The following ZNF324 variants were observed in gnomAD, a reference collection of about 807,000 sequenced individuals.
The protein encoded by ZNF324 is zinc finger protein 324A.
A neutral mutation model predicts 10.3 loss-of-function variants in ZNF324; 3 were observed. That is an observed-to-expected ratio of 0.29 (90% confidence interval 0.13 to 0.75). The LOEUF is 0.75. Ranked by LOEUF, ZNF324 falls within the 30% of genes least tolerant of loss-of-function variation. ZNF324 has a pLI of 0.69. For missense variants in ZNF324, 763 were observed against 784.4 expected (o/e 0.97, Z 0.33); for synonymous variants, 430 against 339.5 (o/e 1.27, Z -2.93).
At chr19:58,470,296 G>T (rs2053016750) in intron 3 of ZNF324, among the ~76,000 whole-genome samples, 1 of 151,696 alleles carries the variant, frequency 6.6e-6, no homozygotes, top group African/African-American at 2.4e-5. Context: ...GGGAGAGGCA[G>T]TCGGTAAGCA....
Position 58,472,246 on chromosome 19 carries a change from G to A in ZNF324, c.*92G>A, listed in dbSNP as rs559493102. 6.5e-5 allele frequency: 86 copies of A among 1,319,914 alleles called. No homozygotes were observed. The South Asian group carries it at 6.6e-4, about 10-fold the overall frequency. 81.8% of individuals were successfully genotyped at this position (1,319,914 alleles called of 1,614,324 possible). ...AGATCCACAGCAGAGAAAAAGTCCC[G>A]TGCTTGCTAGTCAGGGACAAGGGAG... On this transcript the variant is annotated 3_prime_UTR_variant, in exon 4 of 4. Coordinates refer to ENST00000196482, the MANE Select transcript of ZNF324 (RefSeq NM_014347.3).
chr19:58,471,419 C>T lies in ZNF324; in HGVS notation c.927C>T (p.Gly309=), dbSNP rs530013490. ...HLTQHQRIHS[G]ETPYACPVCG... ...CGCAGCACCAGCGCATCCACAGCGG[C>T]GAGACGCCCTACGCGTGCCCCGTGT... The change falls in exon 4 of 4, where the codon GGC becomes GGT. Residue 309 remains glycine (G), a synonymous_variant. Coordinates refer to ENST00000196482, the MANE Select transcript of ZNF324 (RefSeq NM_014347.3). 8.1e-6 allele frequency: 13 copies of T among 1,608,652 alleles called. No homozygotes were observed. In the South Asian group the frequency reaches 1.2e-4, roughly 15 times the overall value.
At chr19:58,470,209 G>A (rs2053015909) in intron 3 of ZNF324, among the ~76,000 whole-genome samples, 1 of 152,154 alleles carries the variant, frequency 6.6e-6, no homozygotes, top group Non-Finnish European at 1.5e-5. Context: ...ACAGTGGTCA[G>A]GCCCAGTCCA....
intron 2 of ZNF324, among the ~76,000 whole-genome samples, 166 bp from the exon 3 acceptor site, chr19:58,469,562 G>A (rs902599492): frequency 1.3e-5 from 2 of 152,234 alleles, no homozygotes; most frequent in African/African-American, 2.4e-5. Context: ...CTGCCCTGGG[G>A]ATGAATGAGC....
chr19:58,468,272 C>T (rs2052999059), intron 1 of ZNF324: 4 of 984,252 alleles, frequency 4.1e-6, no homozygotes, highest in Non-Finnish European at 4.8e-6. Context: ...TGGGCAGGGA[C>T]TCAGCCAGGT....
In ZNF324 at chr19:58,471,198, G is replaced by C. The variant is rs1369412969; in HGVS notation, c.706G>C (p.Gly236Arg). 2.5e-6 allele frequency: 4 copies of C among 1,613,260 alleles called. No homozygotes were observed. Among genetic ancestry groups the C allele is most frequent in the East Asian group, 4.5e-5 (2 of 44,748 alleles). The change falls in exon 4 of 4, where the codon GGT (glycine) becomes CGT (arginine). Residue 236 changes from glycine to arginine, a missense_variant. Physicochemically the swap from Gly to Arg is moderately radical, Grantham distance 125 (BLOSUM62 -2). This residue lies in a region of ZNF324 where 379 missense variants were observed against 319.4 expected (regional missense o/e 1.19). Transcript: ENST00000196482. ...TTGGCAGGAGCCTCATAGACTCCTC[G>C]GTGGCCAGGAGCCCTCGACCTGGGA... is the stretch of plus-strand genomic sequence containing the variant. The part of the protein sequence containing the change: ...AVWQEPHRLL[G>R]GQEPSTWDEL...
At chr19:58,469,051 C>T (rs1265190347) in intron 1 of ZNF324, 129 bp from the exon 2 acceptor site, 1 of 1,086,898 alleles carries the variant, frequency 9.2e-7, no homozygotes, top group African/African-American at 1.6e-5. Flanking sequence ...AGCTCATCAG[C>T]TGTTATTAGT....
rs1173137497 is a variant in ZNF324 at position 58,470,772 on chromosome 19, T to C, written c.280T>C (p.Trp94Arg). The stretch of plus-strand genomic sequence containing the variant: ...AGAGGATAGAGATGTTTCTGGAGAA[T>C]GGCCACGAGCTTTCCCAGATACCCC... ...LTEDRDVSGE[W>R]PRAFPDTPPG... Residue 94 changes from tryptophan (W) to arginine (R), a missense_variant, in exon 4 of 4, where the codon TGG (tryptophan) becomes CGG (arginine). Around this residue, in one of 3 missense-constraint regions of ZNF324, gnomAD observed 379 missense variants for 319.4 expected, o/e 1.19. Coordinates refer to ENST00000196482, the MANE Select transcript of ZNF324 (RefSeq NM_014347.3). 4 of 1,614,220 alleles carry C rather than the reference T, an allele frequency of 2.5e-6. No individual in the cohort carries two copies. The Admixed American group carries it at 6.7e-5, about 27-fold the overall frequency.
rs921767841 is a variant in ZNF324 at position 58,472,556 on chromosome 19, C to G, written c.*402C>G. 4 of 184,864 alleles carry G rather than the reference C, an allele frequency of 2.2e-5. No homozygotes were observed. The highest frequency in any genetic ancestry group is 5.6e-5 in the Admixed American group (1 of 18,012). 11.5% of individuals were successfully genotyped at this position (184,864 alleles called of 1,614,324 possible). On this transcript the variant is annotated 3_prime_UTR_variant, in exon 4 of 4. Transcript: ENST00000196482. The stretch of plus-strand genomic sequence containing the variant: ...GAAACTTATGACAGCTGTACACAAA[C>G]TGGCCGCTGGAGAGATGCCCGCTGA...
intron 2 of ZNF324, among the ~76,000 whole-genome samples, 200 bp downstream of exon 2, chr19:58,469,506 C>T (rs113397217): frequency 2.0e-5 from 3 of 152,254 alleles, no homozygotes; most frequent in Non-Finnish European, 2.9e-5. Context: ...GTGGCCTCTC[C>T]GAGCCTTGGC....
chr19:58,469,774 C>T lies in ZNF324; in HGVS notation c.168C>T (p.Gly56=), dbSNP rs374584460. ...GTGTGGTCATCCAACTGGAGCGTGG[C>T]GAGGAGCCCTGGGTTCCCAGTGGAA... ...RPRVVIQLER[G]EEPWVPSGTD... is the part of the protein sequence containing the mutation. The change falls in exon 3 of 4, where the codon GGC becomes GGT. Residue 56 remains glycine, a synonymous_variant. Coordinates refer to ENST00000196482, the MANE Select transcript of ZNF324 (RefSeq NM_014347.3). 1.4e-5 allele frequency: 22 copies of T among 1,595,046 alleles called. No individual in the cohort carries two copies. The highest frequency in any genetic ancestry group is 7.0e-5 in the Admixed American group (4 of 56,916).
chr19:58,472,271 G>A lies in ZNF324; in HGVS notation c.*117G>A, dbSNP rs528253468. The A allele has an allele frequency of 8.7e-7, 1 of 1,147,090 alleles. No individual in the cohort carries two copies. Among genetic ancestry groups the A allele is most frequent in the South Asian group, 1.7e-5 (1 of 59,996 alleles). 71.1% of individuals were successfully genotyped at this position (1,147,090 alleles called of 1,614,324 possible). Reference sequence around the variant, plus strand: ...GTGCTTGCTAGTCAGGGACAAGGGAGGCCCTTTGGCTGTGATTTCATTTGC... The same window carrying A: ...GTGCTTGCTAGTCAGGGACAAGGGAAGCCCTTTGGCTGTGATTTCATTTGC... On this transcript the variant is annotated 3_prime_UTR_variant, in exon 4 of 4. Coordinates refer to ENST00000196482, the MANE Select transcript of ZNF324 (RefSeq NM_014347.3).
At position 58,469,353 on chromosome 19, in the gene ZNF324, A is replaced by G. The variant is rs1047027198; in HGVS notation, c.121+47A>G. On this transcript the variant is annotated intron_variant, in intron 2 of 3. Coordinates refer to ENST00000196482, the MANE Select transcript of ZNF324 (RefSeq NM_014347.3). ...GAAATGGGCAACTGATAACAAGCTG[A>G]CTGGCCAGGGCTGCCCCCTCACCTC... The G allele has an allele frequency of 2.4e-5, 39 of 1,601,806 alleles. 1 individual carries two copies. The highest frequency in any genetic ancestry group is 2.6e-6 in the Non-Finnish European group (3 of 1,172,940).
chr19:58,474,432 A>C lies in ZNF324; in HGVS notation c.*2278A>C, dbSNP rs1449019524. ...CCTGACCCCTTAGGCTGGGCTCAGT[A>C]CCCTACCTTGTCTTCCCACCAGCCG... On this transcript the variant is annotated 3_prime_UTR_variant, in exon 4 of 4. Coordinates refer to ENST00000196482, the MANE Select transcript of ZNF324 (RefSeq NM_014347.3). The C allele has an allele frequency of 6.6e-6, 1 of 151,892 alleles. No homozygotes were observed. The highest frequency in any genetic ancestry group is 1.5e-5 in the Non-Finnish European group (1 of 68,040). The allele number at this position is 151,892 out of a possible 1,614,324, so 9.4% of individuals were successfully genotyped here. A position where few individuals can be genotyped will look rare whatever the true frequency, so the allele number is the denominator to read the frequency against.
Position 58,471,095 on chromosome 19 carries a change from G to C in ZNF324, c.603G>C (p.Glu201Asp), listed in dbSNP as rs780315186. The C allele has an allele frequency of 5.0e-6, 8 of 1,613,740 alleles. No homozygotes were observed. Among genetic ancestry groups the C allele is most frequent in the South Asian group, 4.4e-5 (4 of 91,086 alleles). Residue 201 changes from glutamate (E) to aspartate (D), a missense_variant, in exon 4 of 4, where the codon GAG becomes GAC. Glu to Asp is a conservative substitution (Grantham distance 45). This residue lies in a region of ZNF324 where 379 missense variants were observed against 319.4 expected (regional missense o/e 1.19). Transcript: ENST00000196482. ...TPERQKPCAQEVPGRTFGSAQ... is the reference protein window; with the variant it reads ...TPERQKPCAQDVPGRTFGSAQ... ...AGCGGCAGAAACCATGTGCACAGGA[G>C]GTCCCTGGGAGAACCTTTGGGAGCG...
In ZNF324 at chr19:58,471,691, C is replaced by A. The variant is rs376006412; in HGVS notation, c.1199C>A (p.Ala400Glu). ...ACAGGCGAGAAGCCCTTCGTGTGCGCGCTCTGCGGTGCTGCCTTCAGCCAG... is the reference window on the plus strand; with the variant it reads ...ACAGGCGAGAAGCCCTTCGTGTGCGAGCTCTGCGGTGCTGCCTTCAGCCAG... The part of the protein sequence containing the change: ...THTGEKPFVC[A>E]LCGAAFSQGS... Residue 400 changes from alanine to glutamate, a missense_variant, in exon 4 of 4, where the codon GCG becomes GAG. Transcript: ENST00000196482. 77 of 1,612,760 alleles carry A rather than the reference C, an allele frequency of 4.8e-5. No individual in the cohort carries two copies. The highest frequency in any genetic ancestry group is 3.3e-4 in the Middle Eastern group (2 of 6,024).
At chr19:58,470,487 T>C in intron 3 of ZNF324, 1 of 628,000 alleles carries the variant, frequency 1.6e-6, no homozygotes, top group Admixed American at 2.4e-5. Flanking sequence ...TTCCTCAGCT[T>C]CACATCCTGG....
rs2053071471 is a variant in ZNF324 at position 58,475,317 on chromosome 19, A to G, written c.*3163A>G. 6.6e-6 allele frequency: 1 copy of G among 152,264 alleles called. No homozygotes were observed. The highest frequency in any genetic ancestry group is 2.4e-5 in the African/African-American group (1 of 41,462). 9.4% of individuals were successfully genotyped at this position (152,264 alleles called of 1,614,324 possible). A position where few individuals can be genotyped will look rare whatever the true frequency, so the allele number is the denominator to read the frequency against. On this transcript the variant is annotated 3_prime_UTR_variant, in exon 4 of 4. Transcript: ENST00000196482. The stretch of plus-strand genomic sequence containing the variant: ...CTCGGCCACTTTTAAGTGTGGAAGC[A>G]AAACTGACCCCACAGATTTAGAAAA...
rs1055396556 is a variant in ZNF324, at chr19:58,472,647, CAAG to C, written c.*495_*497del. The C allele has an allele frequency of 1.3e-5, 2 of 156,322 alleles. No homozygotes were observed. Among genetic ancestry groups the C allele is most frequent in the Non-Finnish European group, 2.8e-5 (2 of 70,846 alleles). 9.7% of individuals were successfully genotyped at this position (156,322 alleles called of 1,614,324 possible). The stretch of plus-strand genomic sequence containing the variant: ...ACTTCCTAGGGGCCAGCCTAGCAGA[CAAG>C]AGACCACAAGGGACTGGGGATCAGG... On this transcript the variant is annotated 3_prime_UTR_variant, in exon 4 of 4. Transcript: ENST00000196482.
Sources: allele counts gnomAD v4.1 joint callset (sites outside exome capture counted in the v4.1 genomes callset), GRCh38; gene constraint gnomAD v4.1.1; regional missense constraint gnomAD v4.1.1; transcripts MANE v1.5; gene names NCBI Gene and HGNC (gene_info 2026-07-23, HGNC 2026-07-21).